The following PBK variants were observed in gnomAD, a reference collection of about 807,000 sequenced individuals.
The protein encoded by PBK is PDZ binding kinase.
PBK carries 22 observed loss-of-function variants against 33.5 expected under a neutral mutation model. The ratio of observed to expected loss-of-function variants is 0.66; its 90% CI spans 0.47 to 0.94. The LOEUF is 0.94. Ranked by LOEUF, PBK falls within the 40% of genes least tolerant of loss-of-function variation. The pLI is 0.00. For synonymous variants in PBK, 129 were observed against 123.8 expected (o/e 1.04, Z -0.28); for missense variants, 376 against 383.4 (o/e 0.98, Z 0.16).
Position 27,832,931 on chromosome 8 carries a change from C to T in PBK, c.58+125G>A, listed in dbSNP as rs375066816. Reference sequence around the variant, plus strand: ...AAGTCTTATTTGTTAAGATTAACATCATAAAGGGGAGTTACATTAAAGTTT... The same window carrying T: ...AAGTCTTATTTGTTAAGATTAACATTATAAAGGGGAGTTACATTAAAGTTT... On this transcript the variant is annotated intron_variant, in intron 2 of 7. Transcript: ENST00000301905. 48 of 605,964 alleles carry T rather than the reference C, an allele frequency of 7.9e-5. 1 individual carries two copies. The highest frequency in any genetic ancestry group is 2.3e-4 in the African/African-American group (12 of 52,460). The allele number at this position is 605,964 out of a possible 1,614,324, so 37.5% of individuals were successfully genotyped here. A position where few individuals can be genotyped will look rare whatever the true frequency, so the allele number is the denominator to read the frequency against.
At chr8:27,811,193 C>T (rs746001075) in intron 6 of PBK, 59 bp from the exon 7 acceptor site, 28 of 1,504,758 alleles carry the variant, frequency 1.9e-5, no homozygotes, top group Admixed American at 1.7e-4. Flanking sequence ...AGGCAAGCAA[C>T]CCAAAGGGAA....
chr8:27,833,090 C>G lies in PBK; in HGVS notation c.24G>C (p.Lys8Asn). 1 of 1,598,818 alleles carries G rather than the reference C, an allele frequency of 6.3e-7. No individual in the cohort carries two copies. The highest frequency in any genetic ancestry group is 8.5e-7 in the Non-Finnish European group (1 of 1,173,040). ...TTTTTTCTGATAATTTGCTTGGTGT[C>G]TTGAAATTACTGATCCCTTCCATTG... MEGISNF[K>N]TPSKLSEKKK... is the part of the protein sequence containing the mutation. The change falls in exon 2 of 8, where the codon AAG (lysine) becomes AAC (asparagine). Residue 8 changes from lysine to asparagine, a missense_variant. By Grantham distance (94) the Lys-to-Asn change is moderately conservative. Transcript: ENST00000301905.
At chr8:27,837,518 G>C (rs1806248958) in intron 1 of PBK, 134 bp downstream of exon 1, 1 of 152,204 alleles carries the variant, frequency 6.6e-6, no homozygotes, top group African/African-American at 2.4e-5. Flanking sequence ...CCAATCCAGG[G>C]GCTCACAAGG....
chr8:27,823,097 C>G lies in PBK; in HGVS notation c.261G>C (p.Lys87Asn), dbSNP rs1037564576. 2 of 1,595,716 alleles carry G rather than the reference C, an allele frequency of 1.3e-6. No individual in the cohort carries two copies. Among genetic ancestry groups the G allele is most frequent in the East Asian group, 4.5e-5 (2 of 44,582 alleles). Reference protein sequence around the residue: ...VYQKRLMDEAKILKSLHHPNI... With the variant: ...VYQKRLMDEANILKSLHHPNI... ...TTGGATGATGAAGGCTTTTCAAAAT[C>G]TTAGCTTCATCCATTAGTCTCTTTT... Residue 87 changes from lysine (K) to asparagine (N), a missense_variant, in exon 4 of 8, where the codon AAG (lysine) becomes AAC (asparagine). By Grantham distance (94) the Lys-to-Asn change is moderately conservative. Coordinates refer to ENST00000301905, the MANE Select transcript of PBK (RefSeq NM_018492.4).
At chr8:27,830,845 T>C (rs2128965383) in intron 2 of PBK, among the ~76,000 whole-genome samples, 1 of 152,216 alleles carries the variant, frequency 6.6e-6, no homozygotes, top group Non-Finnish European at 1.5e-5. Context: ...AATTTAAATA[T>C]AAAGACGCAA....
chr8:27,810,893 A>T (rs564263174), intron 7 of PBK, 65 bp downstream of exon 7: 2 of 1,075,060 alleles, frequency 1.9e-6, no homozygotes, highest in African/African-American at 3.2e-5. Context: ...TTAGAAAGAT[A>T]AAATTATATA....
chr8:27,828,165 G>A lies in PBK; in HGVS notation c.92C>T (p.Ala31Val), dbSNP rs576873768. The A allele has an allele frequency of 1.3e-6, 2 of 1,579,672 alleles. No homozygotes were observed. Among genetic ancestry groups the A allele is most frequent in the East Asian group, 2.2e-5 (1 of 44,724 alleles). ...GCCAAGCTTCTGCATAAACGGAGAG[G>A]CCGGGATATTTATAGTTGGAGTTGA... ...LCSTPTINIP[A>V]SPFMQKLGFG... Residue 31 changes from alanine (A) to valine (V), a missense_variant, in exon 3 of 8, where the codon GCC becomes GTC. By Grantham distance (64) the Ala-to-Val change is moderately conservative. Coordinates refer to ENST00000301905, the MANE Select transcript of PBK (RefSeq NM_018492.4).
Position 27,810,415 on chromosome 8 carries a change from C to G in PBK, c.859G>C (p.Asp287His). ...TCAATTACTTTCTGGTATGATTCATCCAGTTCTTCCATATTAATAGGTGGC... is the reference window on the plus strand; with the variant it reads ...TCAATTACTTTCTGGTATGATTCATGCAGTTCTTCCATATTAATAGGTGGC... Reference protein sequence around the residue: ...TRPPINMEELDESYQKVIELF... With the variant: ...TRPPINMEELHESYQKVIELF... Residue 287 changes from aspartate (D) to histidine (H), a missense_variant, in exon 8 of 8, where the codon GAT becomes CAT. By Grantham distance (81) the Asp-to-His change is moderately conservative. Transcript: ENST00000301905. 6.2e-7 allele frequency: 1 copy of G among 1,605,680 alleles called. No individual in the cohort carries two copies. The highest frequency in any genetic ancestry group is 8.5e-7 in the Non-Finnish European group (1 of 1,172,384).
chr8:27,811,178 C>A, intron 6 of PBK, 44 bp from the exon 7 acceptor site: 1 of 1,596,290 alleles, frequency 6.3e-7, no homozygotes, highest in Non-Finnish European at 8.6e-7. Flanking sequence ...CTACAAATCA[C>A]GAAAAGGCAA....
intron 3 of PBK, among the ~76,000 whole-genome samples, chr8:27,824,835 T>G (rs1263692555): frequency 6.6e-6 from 1 of 152,192 alleles, no homozygotes; most frequent in Non-Finnish European, 1.5e-5. Flanking sequence ...TAAACTTTAA[T>G]ATTAGCAAAC....
intron 6 of PBK, among the ~76,000 whole-genome samples, chr8:27,817,352 G>A (rs191044743): frequency 1.3e-5 from 2 of 152,008 alleles, no homozygotes; most frequent in Non-Finnish European, 2.9e-5. Context: ...AGAAAGTCTT[G>A]CTCCGGCTCA....
intron 2 of PBK, among the ~76,000 whole-genome samples, chr8:27,831,442 T>C (rs1806127359): frequency 1.4e-5 from 2 of 142,544 alleles, no homozygotes; most frequent in South Asian, 4.7e-4. Flanking sequence ...TGATAGAAAT[T>C]GGGGGTGGGG....
At chr8:27,819,471 A>T (rs1186086483) in intron 6 of PBK, among the ~76,000 whole-genome samples, 5 of 152,244 alleles carry the variant, frequency 3.3e-5, no homozygotes, top group Non-Finnish European at 7.4e-5. Flanking sequence ...GCCAAAAATT[A>T]TTCGGAAGTG....
intron 1 of PBK, 31 bp downstream of exon 1, chr8:27,837,621 C>T: frequency 6.6e-6 from 1 of 152,368 alleles, no homozygotes; most frequent in Non-Finnish European, 1.5e-5. Context: ...TCGGCCCCCG[C>T]CAGGGCTCGC....
chr8:27,813,790 C>T lies in PBK; in HGVS notation c.596-2656G>A, dbSNP rs117969820. ...TCTTGAATGTTACAACTTTTCCTTC[C>T]TGGAATAAGTCCTAGTTGGTCAAGA... On this transcript the variant is annotated intron_variant, in intron 6 of 7. Coordinates refer to ENST00000301905, the MANE Select transcript of PBK (RefSeq NM_018492.4). Among the ~76,000 whole-genome samples the T allele has an allele frequency of 1.4e-3, 218 of 152,268 alleles. 4 individuals are homozygous for T. In the East Asian group the frequency reaches 0.029, roughly 20 times the overall value.
intron 5 of PBK, among the ~76,000 whole-genome samples, chr8:27,822,045 C>G (rs1805938749): frequency 6.6e-6 from 1 of 152,150 alleles, no homozygotes; most frequent in Non-Finnish European, 1.5e-5. Context: ...GTAGTTGGCT[C>G]TACCATCTAG....
chr8:27,831,268 A>G (rs1181113576), intron 2 of PBK, among the ~76,000 whole-genome samples: 1 of 152,042 alleles, frequency 6.6e-6, no homozygotes, highest in Non-Finnish European at 1.5e-5. Flanking sequence ...CACCAGAATC[A>G]CTTGAGCCCA....
rs767340181 is a variant in PBK at position 27,810,359 on chromosome 8, A to C, written c.915T>G (p.Pro305=). The change falls in exon 8 of 8, where the codon CCT becomes CCG. Residue 305 remains proline (P), a synonymous_variant. Coordinates refer to ENST00000301905, the MANE Select transcript of PBK (RefSeq NM_018492.4). The part of the protein sequence containing the change: ...ELFSVCTNED[P]KDRPSAAHIV... Reference sequence around the variant, plus strand: ...TGTGTGCAGCAGAAGGACGATCTTTAGGGTCTTCATTAGTGCATACAGAGA... The same window carrying C: ...TGTGTGCAGCAGAAGGACGATCTTTCGGGTCTTCATTAGTGCATACAGAGA... 1 of 1,612,736 alleles carries C rather than the reference A, an allele frequency of 6.2e-7. No individual in the cohort carries two copies. The highest frequency in any genetic ancestry group is 1.7e-5 in the Admixed American group (1 of 60,004).
At chr8:27,816,319 A>C (rs992534431) in intron 6 of PBK, among the ~76,000 whole-genome samples, 4 of 149,258 alleles carry the variant, frequency 2.7e-5, no homozygotes, top group African/African-American at 9.9e-5. Context: ...ATAAACACTT[A>C]AGATTTTGGC....
Sources: allele counts gnomAD v4.1 joint callset (sites outside exome capture counted in the v4.1 genomes callset), GRCh38; gene constraint gnomAD v4.1.1; transcripts MANE v1.5; gene names NCBI Gene and HGNC (gene_info 2026-07-23, HGNC 2026-07-21).